Variants in EMCN observed in about 807,000 individuals in gnomAD.
EMCN encodes the protein MUC-14.
Under a neutral mutation model 38.4 loss-of-function variants are expected in EMCN, and 37 were observed. The ratio of observed to expected loss-of-function variants is 0.96; its 90% CI spans 0.74 to 1.27. The LOEUF (loss-of-function observed/expected upper bound fraction) is 1.27, where lower values mean the gene tolerates loss of function less well. Ranked by LOEUF, EMCN falls within the 50% of genes most tolerant of loss-of-function variation. The pLI is 0.00. For synonymous variants in EMCN, 95 were observed against 100.8 expected (o/e 0.94, Z 0.35); for missense variants, 318 against 302.8 (o/e 1.05, Z -0.37).
At chr4:100,505,995 G>T (rs1220029823) in intron 1 of EMCN, among the ~76,000 whole-genome samples, 1 of 152,128 alleles carries the variant, frequency 6.6e-6, no homozygotes, top group African/African-American at 2.4e-5. Context: ...CATCAAAGAT[G>T]AAAAGTTTAT....
At chr4:100,475,244 G>A (rs557203640) in intron 2 of EMCN, 135 bp from the exon 3 acceptor site, 525 of 330,642 alleles carry the variant, frequency 1.6e-3, no homozygotes, top group African/African-American at 4.3e-3. Flanking sequence ...TTTCCAGTTC[G>A]TTTTGTCTAA....
At chr4:100,506,683 AC>A (rs1442880911) in intron 1 of EMCN, among the ~76,000 whole-genome samples, 1 of 152,206 alleles carries the variant, frequency 6.6e-6, no homozygotes, top group Non-Finnish European at 1.5e-5. Flanking sequence ...GTCATAAAAC[AC>A]ACCTGGTATG....
chr4:100,437,324 T>G (rs1452761723), intron 5 of EMCN, among the ~76,000 whole-genome samples: 1 of 152,196 alleles, frequency 6.6e-6, no homozygotes, highest in Non-Finnish European at 1.5e-5. Context: ...GTATATGGTT[T>G]GCAAATATTT....
chr4:100,447,452 A>G (rs943177091), intron 5 of EMCN, 81 bp downstream of exon 5: 8 of 976,252 alleles, frequency 8.2e-6, no homozygotes, highest in African/African-American at 1.6e-5. Flanking sequence ...CCTGCCCCCA[A>G]ACTGATTGGT....
intron 1 of EMCN, among the ~76,000 whole-genome samples, chr4:100,510,510 T>C (rs1156397112): frequency 6.6e-6 from 1 of 152,214 alleles, no homozygotes; most frequent in East Asian, 1.9e-4. Context: ...ATATTTCATC[T>C]ACGGTGCAGG....
intron 11 of EMCN, among the ~76,000 whole-genome samples, chr4:100,398,836 A>G (rs1726180453): frequency 6.6e-6 from 1 of 152,144 alleles, no homozygotes; most frequent in Admixed American, 6.6e-5. Context: ...GGAATATTGC[A>G]ATAGCCTCTG....
intron 11 of EMCN, among the ~76,000 whole-genome samples, chr4:100,400,882 CT>C (rs369952556): frequency 1.3e-5 from 2 of 151,100 alleles, no homozygotes; most frequent in African/African-American, 4.9e-5. Flanking sequence ...TCAGTCTTTG[CT>C]TTTTTTTTAC....
intron 5 of EMCN, among the ~76,000 whole-genome samples, chr4:100,429,899 C>T (rs941599074): frequency 2.6e-5 from 4 of 152,002 alleles, no homozygotes; most frequent in Non-Finnish European, 5.9e-5. Flanking sequence ...CAAGGCTAAA[C>T]CATAAGCCAA....
chr4:100,506,685 A>G (rs1343057225), intron 1 of EMCN, among the ~76,000 whole-genome samples: 1 of 152,208 alleles, frequency 6.6e-6, no homozygotes, highest in Non-Finnish European at 1.5e-5. Context: ...CATAAAACAC[A>G]CCTGGTATGT....
At chr4:100,447,928 A>G (rs1294966117) in intron 4 of EMCN, among the ~76,000 whole-genome samples, 1 of 152,046 alleles carries the variant, frequency 6.6e-6, no homozygotes, top group Admixed American at 6.6e-5. Flanking sequence ...AAGTCAGGGT[A>G]TTCAATTTTG....
At chr4:100,424,902 A>G (rs921771738) in intron 5 of EMCN, among the ~76,000 whole-genome samples, 5 of 152,022 alleles carry the variant, frequency 3.3e-5, no homozygotes, top group Admixed American at 1.3e-4. Context: ...ACCTTCCTGT[A>G]GACAGGCTAA....
chr4:100,470,667 A>G lies in EMCN; in HGVS notation c.259+4371T>C, dbSNP rs1057040694. ...ATCAATGACAAATTGGATAAACAAT[A>G]TATGGTACATATACACCATGAAATA... On this transcript the variant is annotated intron_variant, in intron 3 of 11. Transcript: ENST00000296420. Among the ~76,000 whole-genome samples the G allele has an allele frequency of 3.3e-5, 5 of 152,186 alleles. No homozygotes were observed. The East Asian group carries it at 5.8e-4, about 18-fold the overall frequency.
chr4:100,468,141 A>C (rs1359010988), intron 3 of EMCN, among the ~76,000 whole-genome samples: 1 of 152,212 alleles, frequency 6.6e-6, no homozygotes, highest in Non-Finnish European at 1.5e-5. Flanking sequence ...AAAAAATAAG[A>C]ATTTAACACA....
At chr4:100,438,723 A>G (rs1414441844) in intron 5 of EMCN, among the ~76,000 whole-genome samples, 4 of 151,882 alleles carry the variant, frequency 2.6e-5, no homozygotes, top group East Asian at 1.9e-4. Context: ...TGGGTTTTTC[A>G]TAAATGTTTT....
intron 4 of EMCN, among the ~76,000 whole-genome samples, chr4:100,453,065 C>G (rs1727892977): frequency 2.0e-5 from 3 of 152,022 alleles, no homozygotes; most frequent in Non-Finnish European, 4.4e-5. Flanking sequence ...GACCTAAAAC[C>G]ATAAAAACCC....
chr4:100,501,462 T>C (rs771146732), intron 1 of EMCN, among the ~76,000 whole-genome samples: 72 of 152,214 alleles, frequency 4.7e-4, no homozygotes, highest in Non-Finnish European at 6.8e-4. Flanking sequence ...TTGACTGTTC[T>C]AATTACTGTA....
Position 100,516,097 on chromosome 4 carries a change from C to T in EMCN, c.64+1754G>A, listed in dbSNP as rs118103759. 1.8e-3 allele frequency among the ~76,000 whole-genome samples: 267 copies of T among 152,132 alleles called. 2 individuals carry two copies. In the East Asian group the frequency reaches 0.03, roughly 17 times the overall value. On this transcript the variant is annotated intron_variant, in intron 1 of 11. Transcript: ENST00000296420. ...TTATTATGTAACTATTGTCTCTGCT[C>T]AAATGGAAATTATCCTACAGGGGTT...
In EMCN at chr4:100,485,922, A is replaced by C. The variant is rs114463337; in HGVS notation, c.65-5883T>G. Among the ~76,000 whole-genome samples, 1,463 of 152,290 alleles carry C rather than the reference A, an allele frequency of 9.6e-3. 26 individuals carry two copies. Among genetic ancestry groups the C allele is most frequent in the African/African-American group, 0.033 (1,377 of 41,556 alleles). On this transcript the variant is annotated intron_variant, in intron 1 of 11. Coordinates refer to ENST00000296420, the MANE Select transcript of EMCN (RefSeq NM_016242.4). ...GTAAGATATCATATAAAAATGTATA[A>C]GTAACTCATTAGCCAAGAGTCATTT... is the stretch of plus-strand genomic sequence containing the variant.
chr4:100,517,969 T>A lies in EMCN; in HGVS notation c.-55A>T. 6.4e-7 allele frequency: 1 copy of A among 1,565,564 alleles called. No homozygotes were observed. The highest frequency in any genetic ancestry group is 2.2e-5 in the East Asian group (1 of 44,604). ...TTCTCCAGAAGCAGGCAGGGACAAT[T>A]CCCTCCCAGCCTGGCAGGGCCTTAT... On this transcript the variant is annotated 5_prime_UTR_variant, in exon 1 of 12. Coordinates refer to ENST00000296420, the MANE Select transcript of EMCN (RefSeq NM_016242.4).
Sources: gnomAD v4.1 joint callset for allele counts (sites outside exome capture counted in the v4.1 genomes callset) on GRCh38, gnomAD v4.1.1 for gene constraint, MANE v1.5 for transcripts, NCBI Gene and HGNC (gene_info 2026-07-23, HGNC 2026-07-21) for gene names.